The following GOLIM4 variants were observed in gnomAD, a reference collection of about 807,000 sequenced individuals.
The protein encoded by GOLIM4 is golgi integral membrane protein 4, also known as 130 kDa golgi-localized phosphoprotein.
A neutral mutation model predicts 107.4 loss-of-function variants in GOLIM4; 71 were observed. That is an observed-to-expected ratio of 0.66 (90% CI 0.55 to 0.81). The LOEUF (loss-of-function observed/expected upper bound fraction) is 0.81, where lower values mean the gene tolerates loss of function less well. Among genes scored for constraint, GOLIM4 ranks in the 30% least tolerant of loss-of-function variants. GOLIM4 has a pLI of 0.00. For synonymous variants in GOLIM4, 327 were observed against 294.8 expected (o/e 1.11, Z -1.12); for missense variants, 830 against 826.1 (o/e 1.00, Z -0.06).
chr3:168,050,662 T>G (rs920339369), intron 1 of GOLIM4, among the ~76,000 whole-genome samples: 2 of 151,950 alleles, frequency 1.3e-5, no homozygotes, highest in Non-Finnish European at 2.9e-5. Flanking sequence ...GGCATAAATA[T>G]GCCAGTTAAA....
At chr3:168,025,781 C>T (rs1246562875) in intron 12 of GOLIM4, among the ~76,000 whole-genome samples, 3 of 152,168 alleles carry the variant, frequency 2.0e-5, no homozygotes, top group African/African-American at 7.2e-5. Context: ...TGAAAAATGT[C>T]CTCCCAACTC....
At chr3:168,078,569 C>T (rs1721183962) in intron 1 of GOLIM4, among the ~76,000 whole-genome samples, 1 of 152,104 alleles carries the variant, frequency 6.6e-6, no homozygotes, top group African/African-American at 2.4e-5. Flanking sequence ...TAGATATTTA[C>T]ATTAACTCTG....
At chr3:168,059,048 C>T (rs1299123666) in intron 1 of GOLIM4, among the ~76,000 whole-genome samples, 4 of 151,942 alleles carry the variant, frequency 2.6e-5, no homozygotes, top group Non-Finnish European at 5.9e-5. Flanking sequence ...GTAAGAATGC[C>T]CTTAAGATGG....
At chr3:168,050,570 C>T (rs73878622) in intron 1 of GOLIM4, among the ~76,000 whole-genome samples, 1,804 of 152,128 alleles carry the variant, frequency 0.012, 35 homozygotes, top group African/African-American at 0.042. Flanking sequence ...AACACGTAAG[C>T]TCCCCAGCTG....
At chr3:168,074,110 A>C (rs2108281399) in intron 1 of GOLIM4, among the ~76,000 whole-genome samples, 1 of 152,352 alleles carries the variant, frequency 6.6e-6, no homozygotes, top group African/African-American at 2.4e-5. Context: ...AGGGGCGCAC[A>C]CAGAGAGAAA....
At chr3:168,083,145 A>G (rs906311573) in intron 1 of GOLIM4, among the ~76,000 whole-genome samples, 3 of 152,226 alleles carry the variant, frequency 2.0e-5, no homozygotes, top group African/African-American at 4.8e-5. Context: ...GACTTTATTA[A>G]TATCACAAAA....
rs1721195572 is a variant in GOLIM4, at chr3:168,078,832, A to G, written c.187+16267T>C. On this transcript the variant is annotated intron_variant, in intron 1 of 15. Coordinates refer to ENST00000470487, the MANE Select transcript of GOLIM4 (RefSeq NM_014498.5). The stretch of plus-strand genomic sequence containing the variant: ...GCCCAGTAAGCATGAATAATGGTTA[A>G]CAAAGAACAGACAAGCCAGCTTATA... 3.3e-5 allele frequency among the ~76,000 whole-genome samples: 5 copies of G among 152,240 alleles called. 1 individual carries two copies. The South Asian group carries it at 1.0e-3, about 31-fold the overall frequency.
chr3:168,052,144 G>T (rs1332048953), intron 1 of GOLIM4, among the ~76,000 whole-genome samples: 2 of 152,084 alleles, frequency 1.3e-5, no homozygotes, highest in Non-Finnish European at 2.9e-5. Context: ...AATAATAGAT[G>T]TATCTCTTTG....
chr3:168,041,633 G>A (rs2108244314), intron 5 of GOLIM4, among the ~76,000 whole-genome samples, 159 bp from the exon 6 acceptor site: 1 of 152,176 alleles, frequency 6.6e-6, no homozygotes, highest in Non-Finnish European at 1.5e-5. Flanking sequence ...ATTGTATTGG[G>A]ATGTAGCATG....
At chr3:168,029,696 C>T (rs1718197374) in intron 10 of GOLIM4, 84 bp downstream of exon 10, 3 of 1,512,562 alleles carry the variant, frequency 2.0e-6, no homozygotes, top group South Asian at 1.3e-5. Context: ...CTTCATGAAT[C>T]ACAAATGCAC....
At chr3:168,018,983 C>A (rs865888047) in intron 14 of GOLIM4, among the ~76,000 whole-genome samples, 156 of 120,490 alleles carry the variant, frequency 1.3e-3, no homozygotes, top group African/African-American at 2.3e-3. Context: ...CTATGTAGCA[C>A]AAAAAAAAAA....
chr3:168,089,630 A>G (rs1478217151), intron 1 of GOLIM4, among the ~76,000 whole-genome samples: 1 of 152,192 alleles, frequency 6.6e-6, no homozygotes, highest in Non-Finnish European at 1.5e-5. Context: ...TGTATCTATT[A>G]TACCTCACTG....
chr3:168,032,800 G>C lies in GOLIM4; in HGVS notation c.896C>G (p.Ala299Gly), dbSNP rs1321827186. The C allele has an allele frequency of 6.2e-7, 1 of 1,613,996 alleles. No homozygotes were observed. Among genetic ancestry groups the C allele is most frequent in the Admixed American group, 1.7e-5 (1 of 59,990 alleles). Residue 299 changes from alanine (A) to glycine (G), a missense_variant, in exon 9 of 16, where the codon GCA becomes GGA. Physicochemically the swap from Ala to Gly is moderately conservative, Grantham distance 60 (BLOSUM62 0). Transcript: ENST00000470487. ...GGGAGCATAGAGTTTTGTGTCTTCT[G>C]CTCTTCCAGGAACTGCTTCATGGTT... Reference protein sequence around the residue: ...WQNHEAVPGRAEDTKLYAPTH... With the variant: ...WQNHEAVPGRGEDTKLYAPTH...
intron 1 of GOLIM4, among the ~76,000 whole-genome samples, chr3:168,061,808 C>A (rs189306715): frequency 1.3e-3 from 192 of 152,174 alleles, no homozygotes; most frequent in Non-Finnish European, 2.4e-3. Flanking sequence ...GGGCAGCGGT[C>A]GGGCAATAAC....
At chr3:168,061,573 T>C (rs995480837) in intron 1 of GOLIM4, among the ~76,000 whole-genome samples, 3 of 152,210 alleles carry the variant, frequency 2.0e-5, no homozygotes, top group Admixed American at 6.5e-5. Flanking sequence ...TCTATCATAG[T>C]AGAACGGATA....
chr3:168,055,030 T>A (rs1258165449), intron 1 of GOLIM4, among the ~76,000 whole-genome samples: 2 of 152,098 alleles, frequency 1.3e-5, no homozygotes, highest in African/African-American at 4.8e-5. Context: ...CATGTGGAAC[T>A]GTAAGTCCAA....
At chr3:168,041,259 C>A in intron 6 of GOLIM4, 133 bp downstream of exon 6, 1 of 612,852 alleles carries the variant, frequency 1.6e-6, no homozygotes, top group Non-Finnish European at 2.9e-6. Flanking sequence ...ATTAGGTACA[C>A]TCTAGTTAAT....
At chr3:168,093,866 C>A (rs765070047) in intron 1 of GOLIM4, among the ~76,000 whole-genome samples, 1 of 152,202 alleles carries the variant, frequency 6.6e-6, no homozygotes, top group Non-Finnish European at 1.5e-5. Flanking sequence ...CATTTTCTCT[C>A]ATCTTAAATT....
chr3:168,059,885 G>A (rs1050357336), intron 1 of GOLIM4, among the ~76,000 whole-genome samples: 7 of 152,206 alleles, frequency 4.6e-5, no homozygotes, highest in Admixed American at 4.6e-4. Context: ...TCTAGGGGGA[G>A]ACTCTTCCAA....
Sources: gnomAD v4.1 joint callset for allele counts (sites outside exome capture counted in the v4.1 genomes callset) on GRCh38, gnomAD v4.1.1 for gene constraint, MANE v1.5 for transcripts, NCBI Gene and HGNC (gene_info 2026-07-23, HGNC 2026-07-21) for gene names.